PKHD1L1: variants seen among roughly 807,000 people sequenced by gnomAD.
The protein encoded by PKHD1L1 is PKHD1 like 1.
A neutral mutation model predicts 462.9 loss-of-function variants in PKHD1L1; 434 were observed. The ratio of observed to expected loss-of-function variants is 0.94; its 90% CI spans 0.87 to 1.02. The LOEUF (loss-of-function observed/expected upper bound fraction) is 1.02, where lower values mean the gene tolerates loss of function less well. PKHD1L1 is among the 50% of genes least tolerant of loss of function. PKHD1L1 has a pLI of 0.00. For synonymous variants in PKHD1L1, 1,781 were observed against 1,750.0 expected (o/e 1.02, Z -0.44); for missense variants, 5,202 against 5,096.1 (o/e 1.02, Z -0.63).
At chr8:109,521,022 C>T (rs1393610066) in intron 73 of PKHD1L1, among the ~76,000 whole-genome samples, 1 of 152,036 alleles carries the variant, frequency 6.6e-6, no homozygotes, top group East Asian at 1.9e-4. Flanking sequence ...ACTTGGGAGG[C>T]CTCCCTGGAG....
Position 109,507,772 on chromosome 8 carries a change from C to G in PKHD1L1, c.11104C>G (p.Gln3702Glu). The G allele has an allele frequency of 6.2e-7, 1 of 1,613,400 alleles. No homozygotes were observed. The highest frequency in any genetic ancestry group is 8.5e-7 in the Non-Finnish European group (1 of 1,179,656). The change falls in exon 69 of 78, where the codon CAA (glutamine) becomes GAA (glutamate). Residue 3702 changes from glutamine (Q) to glutamate (E), a missense_variant. Physicochemically the swap from Gln to Glu is conservative, Grantham distance 29. Transcript: ENST00000378402. ...FLGNAGSVIPQAEYEWDGNSQ... is the reference protein window; with the variant it reads ...FLGNAGSVIPEAEYEWDGNSQ... ...GGGGAATGCTGGTTCTGTGATACCT[C>G]AAGCAGAATATGAATGGGACGGAAA... is the stretch of plus-strand genomic sequence containing the variant.
intron 13 of PKHD1L1, 34 bp from the exon 14 acceptor site, chr8:109,401,463 T>C (rs777827782): frequency 2.7e-6 from 3 of 1,128,506 alleles, no homozygotes; most frequent in South Asian, 2.7e-5. Context: ...TAATAAATTC[T>C]CCCTTTTCTC....
At chr8:109,417,606 T>C (rs951337289) in intron 21 of PKHD1L1, among the ~76,000 whole-genome samples, 2 of 152,158 alleles carry the variant, frequency 1.3e-5, no homozygotes, top group African/African-American at 2.4e-5. Flanking sequence ...TGCAGTGGTG[T>C]GATCTCAGCT....
Position 109,504,398 on chromosome 8 carries a change from A to C in PKHD1L1, c.10900A>C (p.Asn3634His), listed in dbSNP as rs1819587097. Residue 3634 changes from asparagine (N) to histidine (H), a missense_variant, in exon 68 of 78, where the codon AAT becomes CAT. Physicochemically the swap from Asn to His is moderately conservative, Grantham distance 68 (BLOSUM62 1). Coordinates refer to ENST00000378402, the MANE Select transcript of PKHD1L1 (RefSeq NM_177531.6). ...TNVIFITNPL[N>H]EDLQHPIHVK... ...TGTTATATTCATTACTAACCCTTTA[A>C]ATGAGGATTTACAGCATCCAATCCA... 6.4e-7 allele frequency: 1 copy of C among 1,555,848 alleles called. No individual in the cohort carries two copies. The highest frequency in any genetic ancestry group is 1.4e-5 in the African/African-American group (1 of 72,652).
Position 109,381,354 on chromosome 8 carries a change from C to A in PKHD1L1, c.164-16C>A. On this transcript the variant is annotated splice_polypyrimidine_tract_variant and intron_variant, in intron 2 of 77. Coordinates refer to ENST00000378402, the MANE Select transcript of PKHD1L1 (RefSeq NM_177531.6). ...AGAATACCATTAATAATAATTAAGT[C>A]TTCTTACTTTTCCAGGTTTTTCTCA... The A allele has an allele frequency of 6.5e-7, 1 of 1,546,808 alleles. No individual in the cohort carries two copies. The highest frequency in any genetic ancestry group is 8.8e-7 in the Non-Finnish European group (1 of 1,141,114).
chr8:109,493,781 A>G, intron 63 of PKHD1L1, 30 bp downstream of exon 63: 3 of 1,423,122 alleles, frequency 2.1e-6, no homozygotes, highest in Non-Finnish European at 2.9e-6. Context: ...AATCGCTAAA[A>G]CTAGGAAATA....
intron 77 of PKHD1L1, 23 bp downstream of exon 77, chr8:109,527,043 T>C (rs750684580): frequency 1.7e-5 from 27 of 1,554,878 alleles, no homozygotes; most frequent in South Asian, 2.3e-5. Context: ...CATTAATACA[T>C]TATTTCTCCA....
intron 45 of PKHD1L1, among the ~76,000 whole-genome samples, chr8:109,455,539 T>C (rs955496627): frequency 4.6e-5 from 7 of 152,108 alleles, no homozygotes; most frequent in African/African-American, 1.4e-4. Context: ...TTTATATATA[T>C]AAAAAGACTA....
At chr8:109,514,653 A>G (rs893286044) in intron 71 of PKHD1L1, among the ~76,000 whole-genome samples, 3 of 152,186 alleles carry the variant, frequency 2.0e-5, no homozygotes, top group Non-Finnish European at 4.4e-5. Flanking sequence ...CAGTCTCTTT[A>G]TGATCATAGC....
intron 9 of PKHD1L1, among the ~76,000 whole-genome samples, chr8:109,394,170 CAAAAAA>C (rs146708536): frequency 7.8e-5 from 5 of 63,708 alleles, no homozygotes; most frequent in African/African-American, 1.2e-4. Flanking sequence ...GAGACTCTGT[CAAAAAA>C]AAAAAAAAAA....
intron 36 of PKHD1L1, 108 bp from the exon 37 acceptor site, chr8:109,443,568 T>C: frequency 1.1e-6 from 1 of 900,494 alleles, no homozygotes; most frequent in Non-Finnish European, 1.7e-6. Flanking sequence ...AAAAAAGATT[T>C]ACCAGAATTT....
At chr8:109,509,822 G>C (rs1819879017) in intron 70 of PKHD1L1, among the ~76,000 whole-genome samples, 1 of 151,864 alleles carries the variant, frequency 6.6e-6, no homozygotes, top group South Asian at 2.1e-4. Flanking sequence ...ATTTGATTGA[G>C]GTGTAGTTAT....
At chr8:109,428,922 C>A (rs1296921541) in intron 25 of PKHD1L1, among the ~76,000 whole-genome samples, 1 of 152,016 alleles carries the variant, frequency 6.6e-6, no homozygotes, top group African/African-American at 2.4e-5. Context: ...AAAAATGATA[C>A]AAGGAAAAGT....
rs756282054 is a variant in PKHD1L1 at position 109,515,171 on chromosome 8, C to T, written c.11555C>T (p.Ala3852Val). The T allele has an allele frequency of 5.7e-6, 9 of 1,571,118 alleles. No homozygotes were observed. In the South Asian group the frequency reaches 9.5e-5, roughly 17 times the overall value. Reference protein sequence around the residue: ...LMLLNVDHNKAVLVGIFFSTL... With the variant: ...LMLLNVDHNKVVLVGIFFSTL... ...TTAAAACTTTTTTTTCTTTAATAGG[C>T]TGTTCTAGTAGGAATTTTCTTTTCC... The change falls in exon 72 of 78, where the codon GCT becomes GTT. Residue 3852 changes from alanine (A) to valine (V), a missense_variant and splice_region_variant. Ala to Val is a moderately conservative substitution (Grantham distance 64). Transcript: ENST00000378402.
rs953577772 is a variant in PKHD1L1, at chr8:109,496,935, G to A, written c.10344G>A (p.Val3448=). ...CCCTCCAAGGCCAGTTTAATCCTGT[G>A]GAAAAGTGGTTTGACAATGAAGCCC... ...GEPCPGQFNP[V]EKWFDNEAHG... The change falls in exon 64 of 78, where the codon GTG becomes GTA. Residue 3448 remains valine (V), a synonymous_variant. Coordinates refer to ENST00000378402, the MANE Select transcript of PKHD1L1 (RefSeq NM_177531.6). The A allele has an allele frequency of 1.2e-6, 2 of 1,613,202 alleles. No individual in the cohort carries two copies. The highest frequency in any genetic ancestry group is 1.7e-5 in the Admixed American group (1 of 59,966).
At chr8:109,432,956 A>G (rs1815195087) in intron 27 of PKHD1L1, 150 bp from the exon 28 acceptor site, 1 of 577,406 alleles carries the variant, frequency 1.7e-6, no homozygotes, top group African/African-American at 1.9e-5. Context: ...TTGACAAATA[A>G]ATGTGGATTT....
Position 109,464,570 on chromosome 8 carries a change from A to G in PKHD1L1, c.7738A>G (p.Thr2580Ala). 1.9e-6 allele frequency: 3 copies of G among 1,613,430 alleles called. No individual in the cohort carries two copies. The highest frequency in any genetic ancestry group is 2.7e-5 in the African/African-American group (2 of 75,008). Residue 2580 changes from threonine (T) to alanine (A), a missense_variant, in exon 49 of 78, where the codon ACT becomes GCT. Transcript: ENST00000378402. ...ACGACACAATGCTGTTGCTGGTGGC[A>G]CTCACTTTGGCTTTTGGTACCGGAT... ...TIRHNAVAGG[T>A]HFGFWYRMNN...
In PKHD1L1 at chr8:109,364,644, TG is replaced by T; in HGVS notation, c.163+9del. 1 of 1,423,760 alleles carries T rather than the reference TG, an allele frequency of 7.0e-7. No individual in the cohort carries two copies. The allele number at this position is 1,423,760 out of a possible 1,614,324, so 88.2% of individuals were successfully genotyped here. A position where few individuals can be genotyped will look rare whatever the true frequency, so the allele number is the denominator to read the frequency against. On this transcript the variant is annotated intron_variant, in intron 2 of 77. Coordinates refer to ENST00000378402, the MANE Select transcript of PKHD1L1 (RefSeq NM_177531.6). ...TGACTATAAGAGGGGAAGGTATCGT[TG>T]CTTTTTTTTTTTTTTTTTTGCCAAG...
At chr8:109,468,785 T>C (rs1358626336) in intron 50 of PKHD1L1, among the ~76,000 whole-genome samples, 2 of 152,178 alleles carry the variant, frequency 1.3e-5, no homozygotes, top group Non-Finnish European at 2.9e-5. Flanking sequence ...TCTAATAATA[T>C]GGAAGGTCTG....
Sources: gnomAD v4.1 joint callset for allele counts (sites outside exome capture counted in the v4.1 genomes callset) on GRCh38, gnomAD v4.1.1 for gene constraint, MANE v1.5 for transcripts, NCBI Gene and HGNC (gene_info 2026-07-23, HGNC 2026-07-21) for gene names.